The following ITPR2 variants were observed in gnomAD, a reference collection of about 807,000 sequenced individuals.
ITPR2 encodes the protein inositol 1,4,5-trisphosphate receptor type 2.
A neutral mutation model predicts 317.1 loss-of-function variants in ITPR2; 207 were observed. That is an observed-to-expected ratio of 0.65 (90% CI 0.58 to 0.73). The LOEUF (loss-of-function observed/expected upper bound fraction) is 0.73, where lower values mean the gene tolerates loss of function less well. ITPR2 is among the 30% of genes least tolerant of loss of function. ITPR2 has a pLI of 0.00. For synonymous variants in ITPR2, 1,156 were observed against 1,149.1 expected (o/e 1.01, Z -0.12); for missense variants, 2,613 against 3,284.0 (o/e 0.80, Z 4.99).
At chr12:26,410,000 AT>A (rs1940489657) in intron 52 of ITPR2, among the ~76,000 whole-genome samples, 1 of 152,214 alleles carries the variant, frequency 6.6e-6, no homozygotes, top group Non-Finnish European at 1.5e-5. Flanking sequence ...GAAGAATGGC[AT>A]TTTAGCCAAG....
chr12:26,422,960 C>A (rs1229925363), intron 49 of ITPR2, among the ~76,000 whole-genome samples: 1 of 152,208 alleles, frequency 6.6e-6, no homozygotes, highest in East Asian at 1.9e-4. Flanking sequence ...TACAGCAGGA[C>A]AAGGTTCTAA....
At chr12:26,387,001 T>C (rs1939686690) in intron 55 of ITPR2, among the ~76,000 whole-genome samples, 1 of 152,212 alleles carries the variant, frequency 6.6e-6, no homozygotes, top group South Asian at 2.1e-4. Context: ...AACATCATAC[T>C]ATCCCCAAAC....
At chr12:26,427,272 T>C (rs1941088094) in intron 49 of ITPR2, among the ~76,000 whole-genome samples, 1 of 152,174 alleles carries the variant, frequency 6.6e-6, no homozygotes, top group African/African-American at 2.4e-5. Flanking sequence ...TGTATGGCTG[T>C]GCCATGCATA....
At chr12:26,740,112 G>C (rs747640926) in intron 2 of ITPR2, among the ~76,000 whole-genome samples, 2 of 152,134 alleles carry the variant, frequency 1.3e-5, no homozygotes, top group Non-Finnish European at 2.9e-5. Context: ...ATTAAATCTA[G>C]TGAGATAAAT....
At chr12:26,564,442 A>G (rs1315907689) in intron 34 of ITPR2, among the ~76,000 whole-genome samples, 2 of 152,228 alleles carry the variant, frequency 1.3e-5, no homozygotes, top group Non-Finnish European at 2.9e-5. Context: ...GTAGAATTTT[A>G]GAATGCTGTT....
Position 26,516,290 on chromosome 12 carries a change from A to AGGAAG in ITPR2, c.5074-21031_5074-21030insCTTCC, listed in dbSNP as rs1565574624. ...AGGAAAGGAAGGGAAGGGAAGGGAA[A>AGGAAG]GGAAAGGAAAGGAAAGGAAAGGAAA... On this transcript the variant is annotated intron_variant, in intron 37 of 56. Transcript: ENST00000381340. Among the ~76,000 whole-genome samples, 400 of 49,732 alleles carry AGGAAG rather than the reference A, an allele frequency of 8.0e-3. 20 individuals are homozygous for AGGAAG. Among genetic ancestry groups the AGGAAG allele is most frequent in the African/African-American group, 0.03 (325 of 10,948 alleles). The allele number at this position is 49,732 out of a possible 152,430, so 32.6% of individuals were successfully genotyped here.
chr12:26,622,895 A>C (rs763280491), intron 24 of ITPR2, among the ~76,000 whole-genome samples: 2 of 152,236 alleles, frequency 1.3e-5, no homozygotes, highest in Non-Finnish European at 2.9e-5. Flanking sequence ...GTGAGGTTCC[A>C]CTGGAACAAA....
In ITPR2 at chr12:26,589,804, A is replaced by T. The variant is rs1268464917; in HGVS notation, c.4380+5661T>A. Among the ~76,000 whole-genome samples the T allele has an allele frequency of 1.7e-3, 73 of 43,154 alleles. 4 individuals carry two copies. The highest frequency in any genetic ancestry group is 4.6e-3 in the African/African-American group (68 of 14,650). 28.3% of individuals were successfully genotyped at this position (43,154 alleles called of 152,430 possible). On this transcript the variant is annotated intron_variant, in intron 32 of 56. Coordinates refer to ENST00000381340, the MANE Select transcript of ITPR2 (RefSeq NM_002223.4). ...TCTGTTTCAAAAAAAAAAATAAATAAATAAAAAATAAATAAATAAATAAAT... is the reference window on the plus strand; with the variant it reads ...TCTGTTTCAAAAAAAAAAATAAATATATAAAAAATAAATAAATAAATAAAT...
intron 2 of ITPR2, among the ~76,000 whole-genome samples, chr12:26,749,852 C>T (rs1949386329): frequency 6.6e-6 from 1 of 152,130 alleles, no homozygotes; most frequent in Admixed American, 6.5e-5. Context: ...GTATGGGTTT[C>T]TTTTTCTTTT....
rs1941432442 is a variant in ITPR2 at position 26,439,313 on chromosome 12, G to A, written c.6457C>T (p.Arg2153Trp). 1 of 1,591,024 alleles carries A rather than the reference G, an allele frequency of 6.3e-7. No individual in the cohort carries two copies. ...ATTTGTTCCATGGTCCTATCATGCC[G>A]GACAATCTGAAAACATTAATTTGCA... The part of the protein sequence containing the change: ...ANHTAQIEIV[R>W]HDRTMEQIVF... The change falls in exon 47 of 57, where the codon CGG (arginine) becomes TGG (tryptophan). Residue 2153 changes from arginine (R) to tryptophan (W), a missense_variant. Arg to Trp is a moderately radical substitution (Grantham distance 101). Coordinates refer to ENST00000381340, the MANE Select transcript of ITPR2 (RefSeq NM_002223.4).
intron 39 of ITPR2, among the ~76,000 whole-genome samples, chr12:26,487,974 G>T (rs918469380): frequency 6.6e-6 from 1 of 152,226 alleles, no homozygotes; most frequent in East Asian, 1.9e-4. Context: ...AGAAACAAAA[G>T]TATGATAAAA....
chr12:26,603,825 T>C (rs1301739875), intron 26 of ITPR2, among the ~76,000 whole-genome samples: 1 of 152,176 alleles, frequency 6.6e-6, no homozygotes, highest in East Asian at 1.9e-4. Flanking sequence ...ACACTAGTTA[T>C]ATGGAAAACG....
intron 43 of ITPR2, among the ~76,000 whole-genome samples, chr12:26,480,009 A>C (rs944781601): frequency 2.0e-5 from 3 of 152,216 alleles, no homozygotes; most frequent in Non-Finnish European, 4.4e-5. Flanking sequence ...CCAAACCTAA[A>C]TTTAGAAACA....
chr12:26,717,665 T>C (rs1286391950), intron 5 of ITPR2, among the ~76,000 whole-genome samples: 1 of 152,106 alleles, frequency 6.6e-6, no homozygotes, highest in Non-Finnish European at 1.5e-5. Context: ...CGTGTACAAA[T>C]GTGAGGGAGG....
rs555288700 is a variant in ITPR2 at position 26,387,319 on chromosome 12, T to C, written c.7857+115A>G. ...TCAGTGATTGACAGGCCTATTTAAA[T>C]GTTAACAAAAAATGATTGCTACAAT... On this transcript the variant is annotated intron_variant, in intron 55 of 56. Transcript: ENST00000381340. 3.4e-5 allele frequency: 34 copies of C among 985,612 alleles called. No homozygotes were observed. In the African/African-American group the frequency reaches 4.9e-4, roughly 14 times the overall value. 61.1% of individuals were successfully genotyped at this position (985,612 alleles called of 1,614,324 possible). A position where few individuals can be genotyped will look rare whatever the true frequency, so the allele number is the denominator to read the frequency against.
rs1945449579 is a variant in ITPR2 at position 26,583,433 on chromosome 12, A to G, written c.4381-3278T>C. Among the ~76,000 whole-genome samples, 6 of 152,160 alleles carry G rather than the reference A, an allele frequency of 3.9e-5. 1 individual carries two copies. In the South Asian group the frequency reaches 1.2e-3, roughly 32 times the overall value. On this transcript the variant is annotated intron_variant, in intron 32 of 56. Coordinates refer to ENST00000381340, the MANE Select transcript of ITPR2 (RefSeq NM_002223.4). ...CATTCTATTTAAAATATTTCATTAT[A>G]TTTCATTGTGTAAACTACTTTTCAA...
chr12:26,734,577 T>G (rs1010626641), intron 2 of ITPR2, among the ~76,000 whole-genome samples: 1 of 152,072 alleles, frequency 6.6e-6, no homozygotes, highest in Non-Finnish European at 1.5e-5. Flanking sequence ...GAGGTAAGCT[T>G]GCCTTTTTAA....
rs551420905 is a variant in ITPR2 at position 26,588,374 on chromosome 12, C to T, written c.4380+7091G>A. 1.1e-4 allele frequency among the ~76,000 whole-genome samples: 17 copies of T among 152,222 alleles called. No individual in the cohort carries two copies. The South Asian group carries it at 3.1e-3, about 28-fold the overall frequency. On this transcript the variant is annotated intron_variant, in intron 32 of 56. Transcript: ENST00000381340. Reference sequence around the variant, plus strand: ...GTGGCAAATAGAGTGGAATTGACATCCTGGGGTCCAAGGGAAGAAGCCTTG... The same window carrying T: ...GTGGCAAATAGAGTGGAATTGACATTCTGGGGTCCAAGGGAAGAAGCCTTG...
chr12:26,722,695 C>T (rs1481349846), intron 4 of ITPR2, 140 bp from the exon 5 acceptor site: 4 of 563,136 alleles, frequency 7.1e-6, no homozygotes, highest in Admixed American at 3.5e-5. Context: ...TTTCAGCCTC[C>T]ACACTCACCA....
Sources: allele counts gnomAD v4.1 joint callset (sites outside exome capture counted in the v4.1 genomes callset), GRCh38; gene constraint gnomAD v4.1.1; transcripts MANE v1.5; gene names NCBI Gene and HGNC (gene_info 2026-07-23, HGNC 2026-07-21).